TMEM161B: variants seen among roughly 807,000 people sequenced by gnomAD.
TMEM161B encodes transmembrane protein 161B.
TMEM161B carries 34 observed loss-of-function variants against 61.8 expected under a neutral mutation model. The ratio of observed to expected loss-of-function variants is 0.55; its 90% CI spans 0.42 to 0.73. TMEM161B has a LOEUF of 0.73. Ranked by LOEUF, TMEM161B falls within the 30% of genes least tolerant of loss-of-function variation. The pLI is 0.00. For synonymous variants in TMEM161B, 167 were observed against 192.8 expected, an observed-to-expected ratio of 0.87 and a Z score of 1.11; for missense variants, 456 against 558.5, an observed-to-expected ratio of 0.82 and a Z score of 1.85.
Position 88,203,049 on chromosome 5 carries a change from G to C in TMEM161B, c.827C>G (p.Ala276Gly). ...CCAGAGCAGAACCATAAATAAAGGT[G>C]CCAAGAAGTTGATATGAAGTAAAGT... ...TQTLLHINFLAPLFMVLLWVK... is the reference protein window; with the variant it reads ...TQTLLHINFLGPLFMVLLWVK... The change falls in exon 9 of 12, where the codon GCA (alanine) becomes GGA (glycine). Residue 276 changes from alanine to glycine, a missense_variant. Transcript: ENST00000296595. The C allele has an allele frequency of 6.2e-7, 1 of 1,607,882 alleles. No homozygotes were observed. The highest frequency in any genetic ancestry group is 2.2e-5 in the East Asian group (1 of 44,726).
chr5:88,267,949 C>T (rs1190210276), intron 1 of TMEM161B, among the ~76,000 whole-genome samples: 2 of 152,210 alleles, frequency 1.3e-5, no homozygotes, highest in Non-Finnish European at 2.9e-5. Context: ...CCTCTCCTAA[C>T]AGCTCCTCCT....
intron 2 of TMEM161B, among the ~76,000 whole-genome samples, chr5:88,234,284 G>A (rs924301611): frequency 2.6e-5 from 4 of 152,110 alleles, no homozygotes; most frequent in African/African-American, 9.7e-5. Flanking sequence ...TGAGAGTGAT[G>A]GGCGCTTGTT....
intron 1 of TMEM161B, among the ~76,000 whole-genome samples, 180 bp from the exon 2 acceptor site, chr5:88,241,096 G>GA (rs1203729919): frequency 6.0e-5 from 9 of 151,078 alleles, no homozygotes; most frequent in Non-Finnish European, 1.2e-4. Flanking sequence ...AAATATGCAG[G>GA]AAAAAAATAC....
At chr5:88,205,615 T>C (rs920335414) in intron 8 of TMEM161B, 199 bp downstream of exon 8, 13 of 494,844 alleles carry the variant, frequency 2.6e-5, no homozygotes, top group Admixed American at 8.4e-5. Flanking sequence ...TAATCGATGA[T>C]GTATCTTTTT....
Position 88,225,778 on chromosome 5 carries a change from C to T in TMEM161B, c.280G>A (p.Asp94Asn). 1 of 1,601,818 alleles carries T rather than the reference C, an allele frequency of 6.2e-7. No homozygotes were observed. The highest frequency in any genetic ancestry group is 1.1e-5 in the South Asian group (1 of 90,238). The change falls in exon 4 of 12, where the codon GAT (aspartate) becomes AAT (asparagine). Residue 94 changes from aspartate (D) to asparagine (N), a missense_variant. This residue lies in a region of TMEM161B where 85 missense variants were observed against 111.2 expected (regional missense o/e 0.76). Coordinates refer to ENST00000296595, the MANE Select transcript of TMEM161B (RefSeq NM_153354.5). ...TCAAGATTTCCCTTACCTAAAGTATCCACTTCTGTAACTGACTTTGTTTCT... is the reference window on the plus strand; with the variant it reads ...TCAAGATTTCCCTTACCTAAAGTATTCACTTCTGTAACTGACTTTGTTTCT... ...HLETKSVTEV[D>N]TLALHYFPEY...
intron 5 of TMEM161B, among the ~76,000 whole-genome samples, chr5:88,208,642 C>G (rs1382112318): frequency 6.6e-6 from 1 of 152,084 alleles, no homozygotes; most frequent in East Asian, 1.9e-4. Context: ...AACTCCGTCT[C>G]AGGAAAACAA....
At chr5:88,208,859 CAT>C (rs1211467881) in intron 5 of TMEM161B, among the ~76,000 whole-genome samples, 1 of 152,126 alleles carries the variant, frequency 6.6e-6, no homozygotes, top group Non-Finnish European at 1.5e-5. Flanking sequence ...AGCAGTAACA[CAT>C]AAAATCTTTT....
At chr5:88,236,781 C>A (rs1263359954) in intron 2 of TMEM161B, among the ~76,000 whole-genome samples, 1 of 152,044 alleles carries the variant, frequency 6.6e-6, no homozygotes, top group Admixed American at 6.6e-5. Context: ...CATGGAGAAT[C>A]CATAAGAACA....
At chr5:88,248,934 T>A (rs956870967) in intron 1 of TMEM161B, among the ~76,000 whole-genome samples, 5 of 152,234 alleles carry the variant, frequency 3.3e-5, no homozygotes, top group African/African-American at 1.2e-4. Context: ...AGCCTTCTTT[T>A]TTTTCCCCAG....
intron 5 of TMEM161B, among the ~76,000 whole-genome samples, chr5:88,218,692 G>C (rs1179286779): frequency 1.3e-5 from 2 of 151,962 alleles, no homozygotes; most frequent in African/African-American, 4.8e-5. Flanking sequence ...TGTCTCAAAA[G>C]AAAAAGAAAA....
chr5:88,196,442 T>C lies in TMEM161B; in HGVS notation c.1233A>G (p.Pro411=), dbSNP rs372555340. Residue 411 remains proline (P), a synonymous_variant, in exon 12 of 12, where the codon CCA becomes CCG. Transcript: ENST00000296595. The stretch of plus-strand genomic sequence containing the variant: ...AATTGGACAGTAGACTATTATCCAC[T>C]GGTAAGGTAGAGATAGATTCTGGAT... The part of the protein sequence containing the change: ...GIYPESISTL[P]VDNSLLSNSV... The C allele has an allele frequency of 1.9e-6, 3 of 1,612,796 alleles. No homozygotes were observed. The highest frequency in any genetic ancestry group is 1.7e-5 in the Admixed American group (1 of 59,910).
At chr5:88,229,677 T>C (rs1561373642) in intron 2 of TMEM161B, among the ~76,000 whole-genome samples, 2 of 148,226 alleles carry the variant, frequency 1.3e-5, no homozygotes, top group South Asian at 2.2e-4. Context: ...AATGCATATC[T>C]AGTATGCTAG....
At chr5:88,188,977 C>T (rs1020678251), downstream of TMEM161B, among the ~76,000 whole-genome samples, 5 of 152,132 alleles carry the variant, frequency 3.3e-5, no homozygotes, top group Admixed American at 2.0e-4. Context: ...TCTCCTCATT[C>T]CCCCCTTTGA....
intron 2 of TMEM161B, among the ~76,000 whole-genome samples, chr5:88,237,461 C>T (rs920501680): frequency 1.3e-5 from 2 of 152,070 alleles, no homozygotes; most frequent in Admixed American, 6.6e-5. Context: ...CTTGAGTCAT[C>T]ATTTTGTGAG....
intron 5 of TMEM161B, among the ~76,000 whole-genome samples, chr5:88,211,939 A>G (rs1236800054): frequency 6.6e-6 from 1 of 152,150 alleles, no homozygotes; most frequent in Admixed American, 6.5e-5. Flanking sequence ...ATGTTTCCAA[A>G]TTAAAGAGCC....
At chr5:88,225,406 G>T (rs896694988) in intron 4 of TMEM161B, among the ~76,000 whole-genome samples, 1 of 152,024 alleles carries the variant, frequency 6.6e-6, no homozygotes, top group Non-Finnish European at 1.5e-5. Flanking sequence ...CCAACCCCTG[G>T]GCTGCTCAAG....
chr5:88,195,387 T>C lies in TMEM161B; in HGVS notation c.*824A>G. On this transcript the variant is annotated 3_prime_UTR_variant, in exon 12 of 12. Coordinates refer to ENST00000296595, the MANE Select transcript of TMEM161B (RefSeq NM_153354.5). ...TATTTAATATATAATATATATACAA[T>C]ACATACAGGTAGTCAGCAGGTTTAC... 7.6e-6 allele frequency: 6 copies of C among 785,824 alleles called. No homozygotes were observed. The highest frequency in any genetic ancestry group is 9.2e-6 in the Non-Finnish European group (6 of 650,482). The allele number at this position is 785,824 out of a possible 1,614,324, so 48.7% of individuals were successfully genotyped here. A position where few individuals can be genotyped will look rare whatever the true frequency, so the allele number is the denominator to read the frequency against.
chr5:88,207,271 ACT>A, intron 5 of TMEM161B, 91 bp from the exon 6 acceptor site: 1 of 223,840 alleles, frequency 4.5e-6, no homozygotes. Flanking sequence ...ATAAAATTTG[ACT>A]ACAACATTTA....
chr5:88,206,341 C>A, intron 7 of TMEM161B, 98 bp downstream of exon 7: 1 of 1,013,290 alleles, frequency 9.9e-7, no homozygotes, highest in Non-Finnish European at 1.4e-6. Context: ...CAACTTAAAA[C>A]TCTTTACTAA....
Sources: allele counts gnomAD v4.1 joint callset (sites outside exome capture counted in the v4.1 genomes callset), GRCh38; gene constraint gnomAD v4.1.1; regional missense constraint gnomAD v4.1.1; transcripts MANE v1.5; gene names NCBI Gene and HGNC (gene_info 2026-07-23, HGNC 2026-07-21).